The following ANKS1A variants were observed in gnomAD, a reference collection of about 807,000 sequenced individuals.
ANKS1A encodes the protein ankyrin repeat and SAM domain-containing protein 1A.
A neutral mutation model predicts 120.3 loss-of-function variants in ANKS1A; 55 were observed. The observed-to-expected ratio is 0.46, with a 90% confidence interval of 0.37 to 0.57. The LOEUF is 0.57. Ranked by LOEUF, ANKS1A falls within the 20% of genes least tolerant of loss-of-function variation. ANKS1A has a pLI of 0.00. For synonymous variants in ANKS1A, 590 were observed against 604.7 expected (o/e 0.98, Z 0.36); for missense variants, 1,123 against 1,480.3 (o/e 0.76, Z 3.96).
intron 11 of ANKS1A, among the ~76,000 whole-genome samples, chr6:35,049,703 A>G (rs1343540834): frequency 2.0e-5 from 3 of 152,188 alleles, no homozygotes; most frequent in Non-Finnish European, 4.4e-5. Context: ...TCGTGCTCCC[A>G]TTTACACCAA....
At chr6:34,987,579 A>G (rs917374394) in intron 8 of ANKS1A, among the ~76,000 whole-genome samples, 1 of 152,138 alleles carries the variant, frequency 6.6e-6, no homozygotes, top group Non-Finnish European at 1.5e-5. Flanking sequence ...TCTGATATAA[A>G]TAGCTTTGTT....
chr6:35,053,863 C>G (rs1433704443), intron 11 of ANKS1A, among the ~76,000 whole-genome samples: 1 of 152,184 alleles, frequency 6.6e-6, no homozygotes, highest in Non-Finnish European at 1.5e-5. Context: ...GCAGCTAAGC[C>G]CAGACTGTCA....
chr6:34,937,402 C>T (rs913941460), intron 1 of ANKS1A, among the ~76,000 whole-genome samples: 1 of 152,000 alleles, frequency 6.6e-6, no homozygotes, highest in Non-Finnish European at 1.5e-5. Context: ...GATTATTTTA[C>T]TTCTCTAAGA....
chr6:35,039,307 T>C (rs1360169170), intron 11 of ANKS1A, among the ~76,000 whole-genome samples: 2 of 150,520 alleles, frequency 1.3e-5, no homozygotes, highest in African/African-American at 2.4e-5. Flanking sequence ...CAAGCGATTC[T>C]CCTGTCTCAG....
chr6:35,053,850 C>T (rs1776078613), intron 11 of ANKS1A, among the ~76,000 whole-genome samples: 1 of 152,234 alleles, frequency 6.6e-6, no homozygotes, highest in African/African-American at 2.4e-5. Context: ...TTCAGTATTT[C>T]TAGCAGCTAA....
At chr6:35,087,870 A>T (rs1183267967) in intron 23 of ANKS1A, among the ~76,000 whole-genome samples, 2 of 152,196 alleles carry the variant, frequency 1.3e-5, no homozygotes, top group Non-Finnish European at 2.9e-5. Flanking sequence ...ATGTGTGTGG[A>T]CAGCCCCTCT....
chr6:34,960,760 G>C (rs954468313), intron 1 of ANKS1A, among the ~76,000 whole-genome samples: 4 of 152,184 alleles, frequency 2.6e-5, no homozygotes, highest in Middle Eastern at 3.4e-3. Context: ...AAGCAGGTTA[G>C]CTTTTTTGAC....
chr6:34,891,044 A>G (rs1029120476), intron 1 of ANKS1A, among the ~76,000 whole-genome samples: 7 of 152,222 alleles, frequency 4.6e-5, no homozygotes, highest in Non-Finnish European at 1.0e-4. Context: ...TGGATGGTGG[A>G]TGGTATTACT....
At chr6:35,048,450 C>T (rs147468170) in intron 11 of ANKS1A, among the ~76,000 whole-genome samples, 173 of 152,290 alleles carry the variant, frequency 1.1e-3, no homozygotes, top group African/African-American at 4.1e-3. Context: ...TTACTCATTC[C>T]CTGCCATGCG....
intron 1 of ANKS1A, among the ~76,000 whole-genome samples, chr6:34,930,891 T>C (rs2127473543): frequency 6.6e-6 from 1 of 151,908 alleles, no homozygotes; most frequent in South Asian, 2.1e-4. Context: ...TTTTTTTTTT[T>C]TTTGAGAAGG....
chr6:35,013,864 C>CGG (rs1333275337), intron 10 of ANKS1A, among the ~76,000 whole-genome samples: 1 of 152,162 alleles, frequency 6.6e-6, no homozygotes, highest in Non-Finnish European at 1.5e-5. Context: ...CTGTGAGGAA[C>CGG]GGAGAAGTAG....
chr6:35,017,869 C>A lies in ANKS1A; in HGVS notation c.1820C>A (p.Ala607Glu), dbSNP rs552408081. 1 of 1,614,178 alleles carries A rather than the reference C, an allele frequency of 6.2e-7. No individual in the cohort carries two copies. Among genetic ancestry groups the A allele is most frequent in the Non-Finnish European group, 8.5e-7 (1 of 1,180,008 alleles). Reference sequence around the variant, plus strand: ...GACCGGAGTGGGGCCAGGAGCCGAGCGCCTCCCACTAGCAAACCCAAAGCT... The same window carrying A: ...GACCGGAGTGGGGCCAGGAGCCGAGAGCCTCCCACTAGCAAACCCAAAGCT... Reference protein sequence around the residue: ...EGDRSGARSRAPPTSKPKAEL... With the variant: ...EGDRSGARSREPPTSKPKAEL... The change falls in exon 11 of 24, where the codon GCG becomes GAG. Residue 607 changes from alanine to glutamate, a missense_variant. Around this residue, in one of 3 missense-constraint regions of ANKS1A, gnomAD observed 904 missense variants for 1,130.4 expected, o/e 0.80. Coordinates refer to ENST00000360359, the MANE Select transcript of ANKS1A (RefSeq NM_015245.3).
intron 1 of ANKS1A, among the ~76,000 whole-genome samples, chr6:34,959,008 T>C (rs926282885): frequency 1.3e-5 from 2 of 152,218 alleles, no homozygotes; most frequent in African/African-American, 4.8e-5. Context: ...TTCAACTGGA[T>C]TGGACACTTC....
At chr6:34,999,472 G>T (rs756085440) in intron 10 of ANKS1A, among the ~76,000 whole-genome samples, 1 of 152,138 alleles carries the variant, frequency 6.6e-6, no homozygotes, top group Non-Finnish European at 1.5e-5. Context: ...TGGTGTGAGC[G>T]TGGTGTTTTG....
At position 34,982,386 on chromosome 6, in the gene ANKS1A, A is replaced by G. The variant is rs1289174676; in HGVS notation, c.733-366A>G. 6.6e-6 allele frequency among the ~76,000 whole-genome samples: 1 copy of G among 152,204 alleles called. No homozygotes were observed. The highest frequency in any genetic ancestry group is 1.5e-5 in the Non-Finnish European group (1 of 68,036). On this transcript the variant is annotated intron_variant, in intron 4 of 23. Transcript: ENST00000360359. The surrounding 1 kb of genome is among the most constrained non-coding windows in gnomAD (Gnocchi z 4.9). ...TTGTTAGCCTTTCCCATTCAGATGA[A>G]TAATTCCTTAGGTGTTGTGTTGACC...
intron 20 of ANKS1A, 65 bp downstream of exon 20, chr6:35,083,568 C>G (rs1279477913): frequency 4.6e-6 from 7 of 1,505,976 alleles, no homozygotes; most frequent in African/African-American, 1.4e-5. Flanking sequence ...CCACAGGGCT[C>G]CAGGGCAAGC....
At chr6:34,918,545 T>C (rs1487149510) in intron 1 of ANKS1A, among the ~76,000 whole-genome samples, 2 of 152,238 alleles carry the variant, frequency 1.3e-5, no homozygotes, top group African/African-American at 4.8e-5. Context: ...CCCCAGTGCA[T>C]GTCTATGCAT....
At position 35,058,070 on chromosome 6, in the gene ANKS1A, CCTT is replaced by C. The variant is rs1405728423; in HGVS notation, c.2078-2074_2078-2072del. On this transcript the variant is annotated intron_variant, in intron 12 of 23. Transcript: ENST00000360359. This position sits in a 1 kb window ranked among gnomAD's most constrained non-coding sequence, Gnocchi z 5.1. ...CGCTCTGATGCTAGTGCTGCTGTCT[CCTT>C]CTCCCTCAGCAGCCACAGCAGCAGT... 2.6e-5 allele frequency among the ~76,000 whole-genome samples: 4 copies of C among 152,230 alleles called. No individual in the cohort carries two copies. Among genetic ancestry groups the C allele is most frequent in the South Asian group, 2.1e-4 (1 of 4,830 alleles).
chr6:34,944,678 A>G (rs1769698974), intron 1 of ANKS1A, among the ~76,000 whole-genome samples: 2 of 152,162 alleles, frequency 1.3e-5, no homozygotes, highest in African/African-American at 4.8e-5. Flanking sequence ...GCCCCACAGA[A>G]TCTGCACATA....
Sources: gnomAD v4.1 joint callset for allele counts (sites outside exome capture counted in the v4.1 genomes callset) on GRCh38, gnomAD v4.1.1 for gene constraint, gnomAD v4.1.1 regional missense constraint, Gnocchi (gnomAD v3.1) non-coding constraint, MANE v1.5 for transcripts, NCBI Gene and HGNC (gene_info 2026-07-23, HGNC 2026-07-21) for gene names.